The following BRD1 variants were observed in gnomAD, a reference collection of about 807,000 sequenced individuals.
BRD1 encodes the protein bromodomain-containing protein 1.
In BRD1, 24 loss-of-function variants were observed where a neutral mutation model predicts 107.7. The ratio of observed to expected loss-of-function variants is 0.22; its 90% CI spans 0.16 to 0.31. The LOEUF is 0.31. BRD1 is among the 10% of genes least tolerant of loss of function. The pLI is 1.00. For missense variants in BRD1, 1,279 were observed against 1,638.6 expected, an observed-to-expected ratio of 0.78 and a Z score of 3.79; for synonymous variants, 744 against 686.1, an observed-to-expected ratio of 1.08 and a Z score of -1.32.
Position 49,823,083 on chromosome 22 carries a change from C to A in BRD1, c.1235G>T (p.Arg412Leu), listed in dbSNP as rs749877900. ...GACCGTTTTAACCGAGCTCTCTTTT[C>A]GACAGACGCCATTTTTCATTTCGAC... ...GDVEMKNGVCRKESSVKTVRS... is the reference protein window; with the variant it reads ...GDVEMKNGVCLKESSVKTVRS... The change falls in exon 2 of 13, where the codon CGA (arginine) becomes CTA (leucine). Residue 412 changes from arginine (R) to leucine (L), a missense_variant. By Grantham distance (102) the Arg-to-Leu change is moderately radical. This residue lies in a region of BRD1 where 158 missense variants were observed against 310.2 expected (regional missense o/e 0.51). Coordinates refer to ENST00000404760, the MANE Select transcript of BRD1 (RefSeq NM_001304808.3). 6.2e-7 allele frequency: 1 copy of A among 1,614,086 alleles called. No homozygotes were observed. The highest frequency in any genetic ancestry group is 1.7e-5 in the Admixed American group (1 of 60,008).
chr22:49,826,350 G>A, intron 1 of BRD1: 5 of 797,936 alleles, frequency 6.3e-6, no homozygotes, highest in Non-Finnish European at 7.6e-6. Flanking sequence ...TGGGACCCGG[G>A]GAAAGTAGGC....
chr22:49,798,961 C>T, intron 4 of BRD1, 27 bp downstream of exon 4: 1 of 1,582,278 alleles, frequency 6.3e-7, no homozygotes, highest in Non-Finnish European at 8.6e-7. Context: ...CAGTGGTGCA[C>T]TCCACGCGGG....
chr22:49,793,986 C>A (rs778100418), intron 7 of BRD1, 48 bp downstream of exon 7: 4 of 1,576,438 alleles, frequency 2.5e-6, no homozygotes, highest in South Asian at 2.3e-5. Flanking sequence ...TGTGCCTGAG[C>A]CTGAGCCGTG....
intron 2 of BRD1, among the ~76,000 whole-genome samples, chr22:49,814,792 C>T (rs2059918734): frequency 6.6e-6 from 1 of 152,222 alleles, no homozygotes; most frequent in Non-Finnish European, 1.5e-5. Context: ...ATCTGCCCCG[C>T]TGTCCCCAGT....
At chr22:49,816,212 C>T (rs999447684) in intron 2 of BRD1, among the ~76,000 whole-genome samples, 3 of 152,214 alleles carry the variant, frequency 2.0e-5, no homozygotes, top group East Asian at 1.9e-4. Context: ...GGGCCGCGGC[C>T]GGTGGCTCTA....
intron 2 of BRD1, among the ~76,000 whole-genome samples, chr22:49,808,937 T>C (rs927500200): frequency 2.6e-5 from 4 of 151,430 alleles, no homozygotes; most frequent in African/African-American, 9.7e-5. Context: ...GCCAACATGG[T>C]GAAACCCCAT....
intron 12 of BRD1, chr22:49,775,276 C>A (rs570445023): frequency 2.6e-5 from 5 of 193,950 alleles, no homozygotes; most frequent in Admixed American, 6.1e-5. Context: ...AGCAGAGGGA[C>A]CCCCAACACT....
chr22:49,811,383 T>A (rs2059845954), intron 2 of BRD1, among the ~76,000 whole-genome samples: 1 of 152,124 alleles, frequency 6.6e-6, no homozygotes, highest in African/African-American at 2.4e-5. Flanking sequence ...ACACTTCACA[T>A]GGGTAAATTT....
intron 2 of BRD1, chr22:49,805,916 A>G (rs2059736077): frequency 6.6e-6 from 1 of 151,662 alleles, no homozygotes; most frequent in African/African-American, 2.4e-5. Flanking sequence ...TAATTTTTGT[A>G]TTTTTAGCAG....
chr22:49,777,640 G>T, intron 9 of BRD1, 38 bp downstream of exon 9: 2 of 1,589,388 alleles, frequency 1.3e-6, no homozygotes. Flanking sequence ...GCGGTGCTGG[G>T]AGCTGCGTGG....
At chr22:49,826,138 G>A (rs1344284498) in intron 1 of BRD1, 1 of 980,414 alleles carries the variant, frequency 1.0e-6, no homozygotes, top group East Asian at 1.1e-4. Context: ...AGAAGCAACA[G>A]TTGGTTACTC....
intron 2 of BRD1, among the ~76,000 whole-genome samples, chr22:49,814,326 C>A (rs1676496183): frequency 6.6e-6 from 1 of 152,252 alleles, no homozygotes; most frequent in Non-Finnish European, 1.5e-5. Flanking sequence ...CACGCAGACC[C>A]CATGCCAGGT....
intron 8 of BRD1, among the ~76,000 whole-genome samples, chr22:49,779,566 G>A (rs1194353182): frequency 6.6e-6 from 1 of 152,124 alleles, no homozygotes; most frequent in African/African-American, 2.4e-5. Flanking sequence ...AGTTGGGGGT[G>A]TCATACTCAT....
chr22:49,788,030 T>A, intron 7 of BRD1, 143 bp from the exon 8 acceptor site: 1 of 819,014 alleles, frequency 1.2e-6, no homozygotes, highest in Non-Finnish European at 1.8e-6. Flanking sequence ...CTCGGCAGTG[T>A]GGGCCCCGTG....
chr22:49,817,719 A>G (rs1332716890), intron 2 of BRD1: 2 of 211,062 alleles, frequency 9.5e-6, no homozygotes, highest in Admixed American at 4.3e-5. Flanking sequence ...CCAGGGGTCA[A>G]TGTTTCTCTT....
At chr22:49,813,987 C>G (rs1225325617) in intron 2 of BRD1, among the ~76,000 whole-genome samples, 1 of 152,062 alleles carries the variant, frequency 6.6e-6, no homozygotes, top group Non-Finnish European at 1.5e-5. Context: ...GAACAAACTT[C>G]GGTTCATCAG....
intron 2 of BRD1, among the ~76,000 whole-genome samples, chr22:49,812,759 C>T (rs560881622): frequency 2.6e-5 from 4 of 152,328 alleles, no homozygotes; most frequent in African/African-American, 2.4e-5. Context: ...TGTACACAGA[C>T]GAACCAAGGA....
At position 49,824,905 on chromosome 22, in the gene BRD1, G is replaced by A. The variant is rs2060129870; in HGVS notation, c.-14-574C>T. On this transcript the variant is annotated intron_variant, in intron 1 of 12. Coordinates refer to ENST00000404760, the MANE Select transcript of BRD1 (RefSeq NM_001304808.3). The surrounding 1 kb of genome is among the most constrained non-coding windows in gnomAD (Gnocchi z 5.9). ...CTTGCAGCATTCCTGCTGGGGCCAG[G>A]GGTAGGAGACAGATCACAGCCTGTC... 2.3e-5 allele frequency: 19 copies of A among 810,922 alleles called. No homozygotes were observed. The highest frequency in any genetic ancestry group is 2.9e-5 in the Non-Finnish European group (19 of 665,316). 50.2% of individuals were successfully genotyped at this position (810,922 alleles called of 1,614,324 possible).
At chr22:49,786,917 AC>A (rs138835) in intron 8 of BRD1, among the ~76,000 whole-genome samples, 40,453 of 151,720 alleles carry the variant, frequency 0.27, 6,716 homozygotes, top group African/African-American at 0.47. Context: ...ACACAGCGAG[AC>A]CCCCATCTCT....
Sources: gnomAD v4.1 joint callset for allele counts (sites outside exome capture counted in the v4.1 genomes callset) on GRCh38, gnomAD v4.1.1 for gene constraint, gnomAD v4.1.1 regional missense constraint, Gnocchi (gnomAD v3.1) non-coding constraint, MANE v1.5 for transcripts, NCBI Gene and HGNC (gene_info 2026-07-23, HGNC 2026-07-21) for gene names.